Variants in CALD1 observed in about 807,000 individuals in gnomAD.
The protein encoded by CALD1 is caldesmon.
Under a neutral mutation model 99.9 loss-of-function variants are expected in CALD1, and 33 were observed. The observed-to-expected ratio is 0.33, with a 90% CI of 0.25 to 0.44. The LOEUF (loss-of-function observed/expected upper bound fraction) is 0.44, where lower values mean the gene tolerates loss of function less well. CALD1 is among the 20% of genes least tolerant of loss of function. The probability of loss-of-function intolerance (pLI) is 1.00; values close to 1 mark genes in which losing one functional copy is unlikely to be tolerated. For synonymous variants in CALD1, 310 were observed against 325.0 expected (o/e 0.95, Z 0.50); for missense variants, 861 against 962.1 (o/e 0.89, Z 1.39).
intron 2 of CALD1, among the ~76,000 whole-genome samples, chr7:134,860,332 AT>A (rs964551503): frequency 3.3e-5 from 5 of 152,180 alleles, no homozygotes; most frequent in African/African-American, 1.2e-4. Context: ...TGACAAATTG[AT>A]TTTTTTTGAA....
intron 1 of CALD1, among the ~76,000 whole-genome samples, chr7:134,818,185 T>G (rs1292615515): frequency 6.6e-6 from 1 of 152,212 alleles, no homozygotes; most frequent in Non-Finnish European, 1.5e-5. Flanking sequence ...AATATTTTAC[T>G]TTTTAAGCTT....
chr7:134,861,661 G>A (rs35995003), intron 2 of CALD1, among the ~76,000 whole-genome samples: 37,268 of 152,140 alleles, frequency 0.24, 6,019 homozygotes, highest in East Asian at 0.68. Context: ...GTCGAGAACA[G>A]TACCTGGCAC....
At chr7:134,962,942 C>G (rs1185173657) in intron 13 of CALD1, 1 of 455,768 alleles carries the variant, frequency 2.2e-6, no homozygotes, top group Admixed American at 2.4e-5. Flanking sequence ...CAGGTAATTC[C>G]ATTTATATTT....
intron 1 of CALD1, among the ~76,000 whole-genome samples, chr7:134,789,664 C>T (rs1290213812): frequency 6.6e-6 from 1 of 152,182 alleles, no homozygotes; most frequent in Non-Finnish European, 1.5e-5. Flanking sequence ...CTTAGCCACA[C>T]ACTGTCCCCT....
the CALD1 span, among the ~76,000 whole-genome samples, chr7:134,730,366 A>G: frequency 6.6e-6 from 1 of 152,224 alleles, no homozygotes; most frequent in Non-Finnish European, 1.5e-5. Context: ...TTTCCCAACC[A>G]GACCAGGGAC....
At chr7:134,889,495 C>T (rs567815918) in intron 3 of CALD1, among the ~76,000 whole-genome samples, 2 of 152,322 alleles carry the variant, frequency 1.3e-5, no homozygotes, top group Admixed American at 1.3e-4. Flanking sequence ...CGACAAGGTC[C>T]CTTTTGCCAC....
chr7:134,749,334 C>T (rs1454003526), intron 1 of CALD1, among the ~76,000 whole-genome samples: 1 of 152,172 alleles, frequency 6.6e-6, no homozygotes, highest in Non-Finnish European at 1.5e-5. Context: ...GAAGCAAGGC[C>T]AGGGGCCGGG....
intron 3 of CALD1, among the ~76,000 whole-genome samples, chr7:134,899,344 C>T (rs567676708): frequency 6.6e-6 from 1 of 152,168 alleles, no homozygotes; most frequent in African/African-American, 2.4e-5. Context: ...GCTGGGATTA[C>T]AGGCGCCCAC....
intron 2 of CALD1, among the ~76,000 whole-genome samples, chr7:134,857,183 T>C (rs1800342356): frequency 7.2e-6 from 1 of 139,338 alleles, no homozygotes; most frequent in African/African-American, 2.7e-5. Flanking sequence ...TTTTTTTTTT[T>C]TTGGAGACAG....
intron 1 of CALD1, among the ~76,000 whole-genome samples, chr7:134,771,107 T>G (rs988761522): frequency 6.6e-6 from 1 of 152,142 alleles, no homozygotes; most frequent in Non-Finnish European, 1.5e-5. Flanking sequence ...TCAGCCTCCT[T>G]TTCTGGGCTG....
chr7:134,809,158 C>T (rs3778847), intron 1 of CALD1, among the ~76,000 whole-genome samples: 57,809 of 152,058 alleles, frequency 0.38, 11,805 homozygotes, highest in African/African-American at 0.52. Context: ...ATGAGAGACA[C>T]TGTAGTACAA....
rs17168125 is a variant in CALD1, at chr7:134,902,666, G to A, written c.72-26088G>A. The stretch of plus-strand genomic sequence containing the variant: ...AAAGGGAAAAACTGAACATCCAAGA[G>A]AATAAATTTACAACCTACAACAGAA... On this transcript the variant is annotated intron_variant, in intron 3 of 14. Coordinates refer to ENST00000361675, the MANE Select transcript of CALD1 (RefSeq NM_033138.4). 0.017 allele frequency among the ~76,000 whole-genome samples: 2,629 copies of A among 152,192 alleles called. 189 individuals are homozygous for A. The East Asian group carries it at 0.24, about 14-fold the overall frequency.
At chr7:134,769,822 G>A (rs1796862755) in intron 1 of CALD1, among the ~76,000 whole-genome samples, 1 of 152,140 alleles carries the variant, frequency 6.6e-6, no homozygotes, top group African/African-American at 2.4e-5. Context: ...ATTTTTAGTA[G>A]AGACAGCGTT....
At chr7:134,943,124 G>A (rs771393451) in intron 7 of CALD1, among the ~76,000 whole-genome samples, 17 of 152,158 alleles carry the variant, frequency 1.1e-4, no homozygotes, top group Non-Finnish European at 1.9e-4. Context: ...GAGAAGTATA[G>A]TTTTGCTCCA....
rs376852161 is a variant in CALD1, at chr7:134,950,541, T to A, written c.1935+27T>A. 2.2e-5 allele frequency: 35 copies of A among 1,594,708 alleles called. No individual in the cohort carries two copies. In the African/African-American group the frequency reaches 4.3e-4, roughly 20 times the overall value. ...TATTTTTTTCCCCAGAAAACTTCTA[T>A]TAGAATATGATAGAGACTGGATTTT... On this transcript the variant is annotated intron_variant, in intron 9 of 14. Coordinates refer to ENST00000361675, the MANE Select transcript of CALD1 (RefSeq NM_033138.4).
At chr7:134,830,236 C>G (rs1020796548) in intron 1 of CALD1, among the ~76,000 whole-genome samples, 2 of 152,166 alleles carry the variant, frequency 1.3e-5, no homozygotes, top group Non-Finnish European at 2.9e-5. Context: ...CCACCAGAGG[C>G]TCTACTATGA....
chr7:134,729,548 C>T, the CALD1 span, among the ~76,000 whole-genome samples: 1 of 152,232 alleles, frequency 6.6e-6, no homozygotes, highest in Admixed American at 6.5e-5. Flanking sequence ...GGGAACTGTG[C>T]CTGTGAGGGG....
At chr7:134,937,872 AT>A (rs1395665051) in intron 6 of CALD1, among the ~76,000 whole-genome samples, 1 of 152,208 alleles carries the variant, frequency 6.6e-6, no homozygotes, top group Non-Finnish European at 1.5e-5. Context: ...CTGAAACTTA[AT>A]TTAGCTTTTT....
intron 9 of CALD1, among the ~76,000 whole-genome samples, chr7:134,952,474 T>C (rs1807424768): frequency 7.9e-6 from 1 of 127,058 alleles, no homozygotes; most frequent in Non-Finnish European, 1.8e-5. Flanking sequence ...TCCCTTAGTC[T>C]TTTTTTTTTT....
Sources: allele counts gnomAD v4.1 joint callset (sites outside exome capture counted in the v4.1 genomes callset), GRCh38; gene constraint gnomAD v4.1.1; transcripts MANE v1.5; gene names NCBI Gene and HGNC (gene_info 2026-07-23, HGNC 2026-07-21).